Variants in KLRG1 observed in about 807,000 individuals in gnomAD.
KLRG1 encodes killer cell lectin like receptor G1.
KLRG1 carries 16 observed loss-of-function variants against 21.8 expected under a neutral mutation model. The ratio of observed to expected loss-of-function variants is 0.73; its 90% CI spans 0.50 to 1.11. The LOEUF is 1.11. Among genes scored for constraint, KLRG1 ranks in the 50% most tolerant of loss-of-function variants. The pLI, the probability that KLRG1 is intolerant of heterozygous loss-of-function variation, is 0.00. For missense variants in KLRG1, 173 were observed against 218.3 expected (o/e 0.79, Z 1.31); for synonymous variants, 69 against 75.9 (o/e 0.91, Z 0.47).
At chr12:9,148,855 T>C in the KLRG1 span, 1 of 846,500 alleles carries the variant, frequency 1.2e-6, no homozygotes, top group South Asian at 1.6e-5. Context: ...TGACCAGAAG[T>C]ACATATTTAT....
chr12:9,180,869 C>A, the KLRG1 span: 18 of 1,189,904 alleles, frequency 1.5e-5, no homozygotes, highest in Non-Finnish European at 1.9e-5. Context: ...AGGCAACCTA[C>A]AAAATGGGAG....
chr12:8,994,673 T>A lies in KLRG1; in HGVS notation c.188-446T>A, dbSNP rs1169145470. On this transcript the variant is annotated intron_variant, in intron 2 of 4. Transcript: ENST00000356986. Reference sequence around the variant, plus strand: ...GGCATTTTCAGTTGGGCATTCTGAATGATTCTGCCTGATTTAAGCAATATA... The same window carrying A: ...GGCATTTTCAGTTGGGCATTCTGAAAGATTCTGCCTGATTTAAGCAATATA... 3.3e-5 allele frequency among the ~76,000 whole-genome samples: 5 copies of A among 152,352 alleles called. No individual in the cohort carries two copies. The East Asian group carries it at 9.6e-4, about 29-fold the overall frequency.
the KLRG1 span, among the ~76,000 whole-genome samples, chr12:9,111,111 ATTAC>A: frequency 6.6e-6 from 1 of 152,212 alleles, no homozygotes; most frequent in Non-Finnish European, 1.5e-5. Flanking sequence ...TTTAATAAAT[ATTAC>A]TTTTAAAAAT....
chr12:9,210,565 T>A, the KLRG1 span, among the ~76,000 whole-genome samples: 1 of 152,194 alleles, frequency 6.6e-6, no homozygotes, highest in African/African-American at 2.4e-5. Flanking sequence ...GCTTCTGAAC[T>A]TTGGATTCAT....
the KLRG1 span, chr12:9,112,004 G>A: frequency 1.2e-6 from 1 of 801,782 alleles, no homozygotes; most frequent in Non-Finnish European, 2.3e-6. Context: ...TACCTGGAAT[G>A]ATGTTTTAGA....
At chr12:9,005,807 G>T (rs781237455) in intron 3 of KLRG1, among the ~76,000 whole-genome samples, 4 of 152,146 alleles carry the variant, frequency 2.6e-5, no homozygotes, top group Non-Finnish European at 4.4e-5. Flanking sequence ...TAAGGAGCAG[G>T]CAACCTAGAT....
At chr12:9,074,746 C>T in the KLRG1 span, 2 of 1,613,596 alleles carry the variant, frequency 1.2e-6, no homozygotes, top group Middle Eastern at 1.7e-4. Context: ...CCACTGGTGC[C>T]TTGGGTTTCT....
At chr12:9,124,554 G>A in the KLRG1 span, among the ~76,000 whole-genome samples, 2,213 of 152,338 alleles carry the variant, frequency 0.015, 25 homozygotes, top group Non-Finnish European at 0.022. Context: ...GGACAAGCGG[G>A]AGACCTGCCC....
At chr12:9,208,403 A>G in the KLRG1 span, 2 of 1,374,562 alleles carry the variant, frequency 1.5e-6, no homozygotes, top group Non-Finnish European at 2.1e-6. Context: ...CCTGGAGACC[A>G]GCTGAGTTTA....
intron 1 of KLRG1, among the ~76,000 whole-genome samples, chr12:8,966,640 A>G (rs1251894331): frequency 1.3e-5 from 2 of 152,096 alleles, no homozygotes; most frequent in East Asian, 1.9e-4. Flanking sequence ...ATGAGATACC[A>G]TCTCACACCA....
the KLRG1 span, chr12:9,099,547 G>A: frequency 6.3e-7 from 1 of 1,596,834 alleles, no homozygotes; most frequent in Non-Finnish European, 8.5e-7. Flanking sequence ...AGAATGAGAG[G>A]AAGCCATCAT....
chr12:9,037,409 T>C, the KLRG1 span, among the ~76,000 whole-genome samples: 2 of 152,252 alleles, frequency 1.3e-5, no homozygotes, highest in African/African-American at 4.8e-5. Context: ...CTAGTTGAAT[T>C]GGTTATGTAT....
intron 1 of KLRG1, among the ~76,000 whole-genome samples, chr12:8,969,246 C>T (rs1043787576): frequency 1.1e-4 from 16 of 152,220 alleles, no homozygotes; most frequent in Admixed American, 9.2e-4. Flanking sequence ...TGCAGTGGCT[C>T]CTGGCTAGTT....
At chr12:8,954,879 T>TA (rs1228482358) in intron 1 of KLRG1, among the ~76,000 whole-genome samples, 1 of 152,220 alleles carries the variant, frequency 6.6e-6, no homozygotes, top group Non-Finnish European at 1.5e-5. Flanking sequence ...GTTTCTCTTG[T>TA]TAAGGCAAAA....
the KLRG1 span, among the ~76,000 whole-genome samples, chr12:9,065,526 C>T: frequency 3.9e-5 from 6 of 152,230 alleles, no homozygotes; most frequent in Non-Finnish European, 7.3e-5. Context: ...CCTGCCGTCT[C>T]GGCCCCCTTT....
chr12:9,093,698 G>A, the KLRG1 span: 2 of 579,868 alleles, frequency 3.4e-6, no homozygotes, highest in Non-Finnish European at 5.6e-6. Flanking sequence ...AAATAGAGAG[G>A]AAGGAGGAGA....
chr12:9,022,111 G>A, the KLRG1 span, among the ~76,000 whole-genome samples: 4 of 152,162 alleles, frequency 2.6e-5, no homozygotes, highest in African/African-American at 9.7e-5. Flanking sequence ...CCACATTCCA[G>A]TCTGGGCAAC....
At chr12:9,144,952 G>T in the KLRG1 span, among the ~76,000 whole-genome samples, 1 of 152,222 alleles carries the variant, frequency 6.6e-6, no homozygotes, top group Admixed American at 6.5e-5. Context: ...ACTTTAAAAT[G>T]CCAGTGCTTG....
chr12:9,127,048 A>T, the KLRG1 span, among the ~76,000 whole-genome samples: 2 of 152,166 alleles, frequency 1.3e-5, no homozygotes, highest in African/African-American at 2.4e-5. Flanking sequence ...CTCAGCTCCT[A>T]ATCTCAGTTC....
Sources: allele counts gnomAD v4.1 joint callset (sites outside exome capture counted in the v4.1 genomes callset), GRCh38; gene constraint gnomAD v4.1.1; transcripts MANE v1.5; gene names NCBI Gene and HGNC (gene_info 2026-07-23, HGNC 2026-07-21).